The following LCK variants were observed in gnomAD, a reference collection of about 807,000 sequenced individuals.
The protein encoded by LCK is tyrosine-protein kinase Lck.
LCK carries 14 observed loss-of-function variants against 64.6 expected under a neutral mutation model. That is an observed-to-expected ratio of 0.22 (90% CI 0.14 to 0.34). The LOEUF is 0.34. LCK is among the 10% of genes least tolerant of loss of function. The pLI, the probability that LCK is intolerant of heterozygous loss-of-function variation, is 1.00. For synonymous variants in LCK, 277 were observed against 263.6 expected, an observed-to-expected ratio of 1.05 and a Z score of -0.49; for missense variants, 434 against 668.1, an observed-to-expected ratio of 0.65 and a Z score of 3.86.
intron 1 of LCK, among the ~76,000 whole-genome samples, chr1:32,259,754 G>A (rs903305207): frequency 6.6e-6 from 1 of 152,052 alleles, no homozygotes; most frequent in African/African-American, 2.4e-5. Flanking sequence ...AGGCTTCAGT[G>A]AGCTGTGATT....
chr1:32,276,049 T>C lies in LCK; in HGVS notation c.617T>C (p.Val206Ala). ...RITFPGLHEL[V>A]RHYTNASDGL... Reference sequence around the variant, plus strand: ...ACTTTTCCCGGCCTGCATGAACTGGTCCGCCATTACACCAGTGAGCCCGAC... The same window carrying C: ...ACTTTTCCCGGCCTGCATGAACTGGCCCGCCATTACACCAGTGAGCCCGAC... Residue 206 changes from valine to alanine, a missense_variant, in exon 7 of 13, where the codon GTC (valine) becomes GCC (alanine). Transcript: ENST00000336890. This position sits in a 1 kb window ranked among gnomAD's most constrained non-coding sequence, Gnocchi z 4.6. 6.2e-7 allele frequency: 1 copy of C among 1,614,014 alleles called. No individual in the cohort carries two copies. The highest frequency in any genetic ancestry group is 8.5e-7 in the Non-Finnish European group (1 of 1,179,984).
intron 1 of LCK, among the ~76,000 whole-genome samples, chr1:32,253,992 G>A (rs1023944151): frequency 7.9e-5 from 12 of 152,054 alleles, no homozygotes; most frequent in African/African-American, 2.9e-4. Flanking sequence ...ACACACCCAC[G>A]AGCTGATGGC....
At position 32,276,361 on chromosome 1, in the gene LCK, G is replaced by A. The variant is rs527608634; in HGVS notation, c.656G>A (p.Arg219Gln). 8 of 1,608,742 alleles carry A rather than the reference G, an allele frequency of 5.0e-6. No individual in the cohort carries two copies. Among genetic ancestry groups the A allele is most frequent in the African/African-American group, 1.3e-5 (1 of 74,960 alleles). ...GATGCTTCAGATGGGCTGTGCACAC[G>A]GTTGAGCCGCCCCTGCCAGACCCAG... is the stretch of plus-strand genomic sequence containing the variant. ...YTNASDGLCT[R>Q]LSRPCQTQKP... is the part of the protein sequence containing the mutation. The change falls in exon 8 of 13, where the codon CGG (arginine) becomes CAG (glutamine). Residue 219 changes from arginine (R) to glutamine (Q), a missense_variant. Coordinates refer to ENST00000336890, the MANE Select transcript of LCK (RefSeq NM_005356.5). The surrounding 1 kb of genome is among the most constrained non-coding windows in gnomAD (Gnocchi z 4.6).
chr1:32,276,106 C>T lies in LCK; in HGVS notation c.631+43C>T, dbSNP rs146805192. The stretch of plus-strand genomic sequence containing the variant: ...CCTCCCCCGTGCCCTATCAGCCTAT[C>T]TCCCCTCAGTCCCCCTCAGGTGTCC... On this transcript the variant is annotated intron_variant, in intron 7 of 12. Coordinates refer to ENST00000336890, the MANE Select transcript of LCK (RefSeq NM_005356.5). This position sits in a 1 kb window ranked among gnomAD's most constrained non-coding sequence, Gnocchi z 4.6. 2.6e-5 allele frequency: 41 copies of T among 1,606,002 alleles called. No individual in the cohort carries two copies. The highest frequency in any genetic ancestry group is 3.4e-5 in the Non-Finnish European group (40 of 1,174,086).
intron 1 of LCK, among the ~76,000 whole-genome samples, chr1:32,262,135 C>T (rs1448702788): frequency 1.4e-5 from 2 of 144,162 alleles, no homozygotes; most frequent in Non-Finnish European, 3.0e-5. Context: ...TCACCTGCCT[C>T]GGCCTCCCAA....
At position 32,274,357 on chromosome 1, in the gene LCK, G is replaced by A; in HGVS notation, c.28G>A (p.Glu10Lys). MGCGCSSHPEDDWMENIDVC... is the reference protein window; with the variant it reads MGCGCSSHPKDDWMENIDVC... ...GGGCTGTGGCTGCAGCTCACACCCG[G>A]AAGATGACTGGATGGAAAACATCGA... is the stretch of plus-strand genomic sequence containing the variant. Residue 10 changes from glutamate (E) to lysine (K), a missense_variant, in exon 2 of 13, where the codon GAA (glutamate) becomes AAA (lysine). Physicochemically the swap from Glu to Lys is moderately conservative, Grantham distance 56. Transcript: ENST00000336890. 1 of 1,614,122 alleles carries A rather than the reference G, an allele frequency of 6.2e-7. No homozygotes were observed.
In LCK at chr1:32,275,128, G is replaced by A. The variant is rs780574086; in HGVS notation, c.278+45G>A. 1 of 1,556,698 alleles carries A rather than the reference G, an allele frequency of 6.4e-7. No individual in the cohort carries two copies. The highest frequency in any genetic ancestry group is 1.4e-5 in the African/African-American group (1 of 73,744). On this transcript the variant is annotated intron_variant, in intron 4 of 12. Transcript: ENST00000336890. This position sits in a 1 kb window ranked among gnomAD's most constrained non-coding sequence, Gnocchi z 6.9. ...GCTCTGGCGGAGTCCGTGAGGGAGC[G>A]GCGATCTCCGCGACCCGCAGCCCTC...
At chr1:32,272,605 AAGAGAGAGAGAGAGAG>A (rs377566341) in intron 1 of LCK, among the ~76,000 whole-genome samples, 3 of 135,664 alleles carry the variant, frequency 2.2e-5, no homozygotes, top group Non-Finnish European at 3.2e-5. Flanking sequence ...GAGAGAGAGA[AAGAGAGAGAGAGAGAG>A]AAAGAGAGAG....
chr1:32,274,855 G>A, intron 3 of LCK, 37 bp downstream of exon 3: 4 of 1,613,910 alleles, frequency 2.5e-6, no homozygotes, highest in Non-Finnish European at 3.4e-6. Context: ...GACAAGGCCT[G>A]CGGATCCCTG....
At chr1:32,263,199 C>A (rs969058928) in intron 1 of LCK, among the ~76,000 whole-genome samples, 1 of 151,856 alleles carries the variant, frequency 6.6e-6, no homozygotes, top group Non-Finnish European at 1.5e-5. Context: ...CGAGACCAAC[C>A]TGGCCAACAT....
At position 32,275,433 on chromosome 1, in the gene LCK, C is replaced by T. The variant is rs906986733; in HGVS notation, c.377+14C>T. 1.2e-6 allele frequency: 2 copies of T among 1,612,806 alleles called. No homozygotes were observed. The highest frequency in any genetic ancestry group is 1.3e-5 in the African/African-American group (1 of 74,870). ...GGAGCCCGAACCGTAAGTGGGGACCCGTCGTGGGGGTGGGTAGGAGCAGAT... is the reference window on the plus strand; with the variant it reads ...GGAGCCCGAACCGTAAGTGGGGACCTGTCGTGGGGGTGGGTAGGAGCAGAT... On this transcript the variant is annotated intron_variant, in intron 5 of 12. Coordinates refer to ENST00000336890, the MANE Select transcript of LCK (RefSeq NM_005356.5). This position sits in a 1 kb window ranked among gnomAD's most constrained non-coding sequence, Gnocchi z 6.9.
Position 32,276,408 on chromosome 1 carries a change from G to C in LCK, c.703G>C (p.Glu235Gln), listed in dbSNP as rs143147870. The C allele has an allele frequency of 6.2e-7, 1 of 1,612,424 alleles. No homozygotes were observed. The highest frequency in any genetic ancestry group is 8.5e-7 in the Non-Finnish European group (1 of 1,179,882). ...CCAGAAGCCCCAGAAGCCGTGGTGG[G>C]AGGACGAGTGGGAGGTTCCCAGGGA... ...QTQKPQKPWW[E>Q]DEWEVPRETL... The change falls in exon 8 of 13, where the codon GAG (glutamate) becomes CAG (glutamine). Residue 235 changes from glutamate to glutamine, a missense_variant. Physicochemically the swap from Glu to Gln is conservative, Grantham distance 29. Transcript: ENST00000336890. The surrounding 1 kb of genome is among the most constrained non-coding windows in gnomAD (Gnocchi z 4.6).
At position 32,275,608 on chromosome 1, in the gene LCK, G is replaced by T; in HGVS notation, c.417G>T (p.Arg139=). The T allele has an allele frequency of 6.4e-7, 1 of 1,574,116 alleles. No individual in the cohort carries two copies. Among genetic ancestry groups the T allele is most frequent in the East Asian group, 2.3e-5 (1 of 42,962 alleles). The part of the protein sequence containing the change: ...FKNLSRKDAE[R]QLLAPGNTHG... ...ACCTGAGCCGCAAGGACGCGGAGCG[G>T]CAGCTCCTGGCGCCCGGGAACACTC... The change falls in exon 6 of 13, where the codon CGG becomes CGT. Residue 139 remains arginine (R), a synonymous_variant. Coordinates refer to ENST00000336890, the MANE Select transcript of LCK (RefSeq NM_005356.5). The surrounding 1 kb of genome is among the most constrained non-coding windows in gnomAD (Gnocchi z 6.9).
At chr1:32,262,716 G>A (rs907067050) in intron 1 of LCK, among the ~76,000 whole-genome samples, 3 of 151,496 alleles carry the variant, frequency 2.0e-5, no homozygotes, top group Non-Finnish European at 2.9e-5. Flanking sequence ...GAGTCACCAT[G>A]CCCAGACTCC....
Position 32,276,135 on chromosome 1 carries a change from A to G in LCK, c.631+72A>G. On this transcript the variant is annotated intron_variant, in intron 7 of 12. Coordinates refer to ENST00000336890, the MANE Select transcript of LCK (RefSeq NM_005356.5). This position sits in a 1 kb window ranked among gnomAD's most constrained non-coding sequence, Gnocchi z 4.6. ...CCTCAGTCCCCCTCAGGTGTCCCCC[A>G]TCCATCTTTCAATGCCCTACTCCAT... 2 of 1,557,554 alleles carry G rather than the reference A, an allele frequency of 1.3e-6. No homozygotes were observed. Among genetic ancestry groups the G allele is most frequent in the East Asian group, 2.3e-5 (1 of 44,254 alleles).
rs1450203572 is a variant in LCK, at chr1:32,276,519, A to G, written c.784+30A>G. 6.3e-7 allele frequency: 1 copy of G among 1,593,892 alleles called. No homozygotes were observed. Among genetic ancestry groups the G allele is most frequent in the African/African-American group, 1.3e-5 (1 of 74,686 alleles). On this transcript the variant is annotated intron_variant, in intron 8 of 12. Transcript: ENST00000336890. The surrounding 1 kb of genome is among the most constrained non-coding windows in gnomAD (Gnocchi z 4.6). ...GTGTGGCCTCCAGGACTGCCTGGGA[A>G]GAGGGGAACGGGAGGGGCCGCTGAG...
At chr1:32,278,309 T>C (rs1040472536) in intron 9 of LCK, among the ~76,000 whole-genome samples, 4 of 152,194 alleles carry the variant, frequency 2.6e-5, no homozygotes, top group African/African-American at 4.8e-5. Context: ...AAGCTGTTCA[T>C]TGGCTAATGG....
At chr1:32,279,613 G>C in intron 9 of LCK, 58 bp from the exon 10 acceptor site, 1 of 1,613,546 alleles carries the variant, frequency 6.2e-7, no homozygotes, top group Non-Finnish European at 8.5e-7. Flanking sequence ...GGAGGAGAAA[G>C]GTCTGGGGGC....
At chr1:32,261,430 G>A (rs1031404279) in intron 1 of LCK, among the ~76,000 whole-genome samples, 3 of 151,436 alleles carry the variant, frequency 2.0e-5, no homozygotes, top group African/African-American at 7.3e-5. Flanking sequence ...GGCGGATCAC[G>A]AAGTCAGGAG....
Sources: gnomAD v4.1 joint callset for allele counts (sites outside exome capture counted in the v4.1 genomes callset) on GRCh38, gnomAD v4.1.1 for gene constraint, Gnocchi (gnomAD v3.1) non-coding constraint, MANE v1.5 for transcripts, NCBI Gene and HGNC (gene_info 2026-07-23, HGNC 2026-07-21) for gene names.